GAB2: variants seen among roughly 807,000 people sequenced by gnomAD.
GAB2 encodes the protein GRB2 associated binding protein 2, also known as GRB2-associated-binding protein 2.
A neutral mutation model predicts 65.5 loss-of-function variants in GAB2; 26 were observed. That is an observed-to-expected ratio of 0.40 (90% confidence interval 0.29 to 0.55). The LOEUF (loss-of-function observed/expected upper bound fraction) is 0.55. Among genes scored for constraint, GAB2 ranks in the 20% least tolerant of loss-of-function variants. GAB2 has a pLI of 0.53. For synonymous variants in GAB2, 321 were observed against 329.6 expected, an observed-to-expected ratio of 0.97 and a Z score of 0.28; for missense variants, 884 against 875.8, an observed-to-expected ratio of 1.01 and a Z score of -0.12.
intron 1 of GAB2, among the ~76,000 whole-genome samples, chr11:78,415,232 T>A (rs1857179739): frequency 6.6e-6 from 1 of 152,232 alleles, no homozygotes; most frequent in Admixed American, 6.5e-5. Flanking sequence ...GTTCAACTAC[T>A]TTTTCCCCTT....
intron 2 of GAB2, among the ~76,000 whole-genome samples, chr11:78,269,880 T>A (rs1590984397): frequency 1.3e-5 from 2 of 152,064 alleles, no homozygotes; most frequent in African/African-American, 4.8e-5. Flanking sequence ...TTCGAGAAGG[T>A]AAAAAACTAA....
intron 3 of GAB2, among the ~76,000 whole-genome samples, chr11:78,235,111 T>C (rs1013460654): frequency 3.9e-5 from 6 of 152,156 alleles, no homozygotes; most frequent in Admixed American, 3.3e-4. Flanking sequence ...TTGCTACTTA[T>C]GCAAATTTCT....
intron 1 of GAB2, among the ~76,000 whole-genome samples, chr11:78,381,765 T>C (rs540531852): frequency 1.3e-5 from 2 of 152,342 alleles, no homozygotes; most frequent in Admixed American, 6.5e-5. Flanking sequence ...AATGTAGTTA[T>C]GTACATATAG....
At chr11:78,312,163 A>C (rs1855512937) in intron 1 of GAB2, among the ~76,000 whole-genome samples, 1 of 150,418 alleles carries the variant, frequency 6.6e-6, no homozygotes, top group Non-Finnish European at 1.5e-5. Context: ...GTAAACTCTG[A>C]GCCAGCATGA....
intron 8 of GAB2, 30 bp from the exon 9 acceptor site, chr11:78,220,474 A>ACTGC (rs1359748427): frequency 6.5e-7 from 1 of 1,537,252 alleles, no homozygotes; most frequent in Non-Finnish European, 8.8e-7. Context: ...ACTGTGAGTG[A>ACTGC]CTGCAGAAAA....
chr11:78,402,357 C>T (rs1012647907), intron 1 of GAB2, among the ~76,000 whole-genome samples: 5 of 152,042 alleles, frequency 3.3e-5, no homozygotes, highest in Non-Finnish European at 5.9e-5. Flanking sequence ...AACTTGGGCA[C>T]TTGGCACATA....
At chr11:78,354,937 C>T (rs953367972) in intron 1 of GAB2, among the ~76,000 whole-genome samples, 2 of 152,180 alleles carry the variant, frequency 1.3e-5, no homozygotes, top group Admixed American at 6.5e-5. Flanking sequence ...AACAGCCTGG[C>T]GGCTCCCCAG....
chr11:78,364,534 C>T (rs950345747), intron 1 of GAB2, among the ~76,000 whole-genome samples: 1 of 152,214 alleles, frequency 6.6e-6, no homozygotes, highest in Non-Finnish European at 1.5e-5. Context: ...GGTAGCAACT[C>T]ATTACCATTG....
chr11:78,342,273 C>G (rs993689860), intron 1 of GAB2, among the ~76,000 whole-genome samples: 2 of 152,176 alleles, frequency 1.3e-5, no homozygotes, highest in Admixed American at 6.5e-5. Context: ...TTATTCCCAG[C>G]CTTACTCTCT....
At chr11:78,291,560 TC>T (rs200573420) in intron 1 of GAB2, among the ~76,000 whole-genome samples, 10,017 of 69,750 alleles carry the variant, frequency 0.14, 1,871 homozygotes, top group Non-Finnish European at 0.19. Flanking sequence ...TTTTTCTTTT[TC>T]TTTTTTTTTT....
chr11:78,237,987 T>C (rs1412148318), intron 3 of GAB2, among the ~76,000 whole-genome samples: 3 of 152,054 alleles, frequency 2.0e-5, no homozygotes, highest in Non-Finnish European at 4.4e-5. Flanking sequence ...TGAGAACACA[T>C]GGACACCTGG....
At chr11:78,372,331 A>T (rs1390732361) in intron 1 of GAB2, among the ~76,000 whole-genome samples, 1 of 152,190 alleles carries the variant, frequency 6.6e-6, no homozygotes, top group Non-Finnish European at 1.5e-5. Context: ...AACAGATGTG[A>T]ATCGTAGCTC....
At chr11:78,336,700 A>G (rs555369739) in intron 1 of GAB2, among the ~76,000 whole-genome samples, 1 of 152,344 alleles carries the variant, frequency 6.6e-6, no homozygotes, top group East Asian at 1.9e-4. Flanking sequence ...CTGGAAATAC[A>G]GGTGCCACAG....
chr11:78,276,529 TGTTACTATCTGGTTGC>T (rs1456114772), intron 2 of GAB2, among the ~76,000 whole-genome samples: 1 of 152,190 alleles, frequency 6.6e-6, no homozygotes, highest in Non-Finnish European at 1.5e-5. Flanking sequence ...AGCATGACTC[TGTTACTATCTGGTTGC>T]ATGCCTGTCC....
chr11:78,370,929 T>C (rs1349697369), intron 1 of GAB2, among the ~76,000 whole-genome samples: 1 of 152,116 alleles, frequency 6.6e-6, no homozygotes, highest in African/African-American at 2.4e-5. Context: ...ACGTTTGAAC[T>C]TGAAAGTGGT....
At chr11:78,376,091 A>G (rs1366968575) in intron 1 of GAB2, among the ~76,000 whole-genome samples, 1 of 152,252 alleles carries the variant, frequency 6.6e-6, no homozygotes, top group Non-Finnish European at 1.5e-5. Context: ...AATGTTAATC[A>G]TATGTATACG....
intron 1 of GAB2, among the ~76,000 whole-genome samples, chr11:78,323,922 C>T (rs1003972350): frequency 2.0e-5 from 3 of 151,282 alleles, no homozygotes; most frequent in African/African-American, 4.9e-5. Context: ...CTCAGCCTCC[C>T]GAGTAGCTGA....
chr11:78,275,627 C>A (rs944653787), intron 2 of GAB2, among the ~76,000 whole-genome samples: 5 of 152,110 alleles, frequency 3.3e-5, no homozygotes, highest in Non-Finnish European at 7.4e-5. Flanking sequence ...TCACAAATAA[C>A]CTTAAACCTC....
At chr11:78,375,451 A>G (rs1305493461) in intron 1 of GAB2, among the ~76,000 whole-genome samples, 1 of 152,204 alleles carries the variant, frequency 6.6e-6, no homozygotes, top group African/African-American at 2.4e-5. Flanking sequence ...ACATGGTGGA[A>G]ATATTTGTTG....
Sources: allele counts gnomAD v4.1 joint callset (sites outside exome capture counted in the v4.1 genomes callset), GRCh38; gene constraint gnomAD v4.1.1; transcripts MANE v1.5; gene names NCBI Gene and HGNC (gene_info 2026-07-23, HGNC 2026-07-21).